Variants in PBLD observed in about 807,000 individuals in gnomAD.
PBLD encodes the protein phenazine biosynthesis-like domain-containing protein.
A neutral mutation model predicts 31.3 loss-of-function variants in PBLD; 26 were observed. The observed-to-expected ratio is 0.83, with a 90% CI of 0.61 to 1.15. PBLD has a LOEUF of 1.15. Among genes scored for constraint, PBLD ranks in the 50% most tolerant of loss-of-function variants. The pLI is 0.00. For synonymous variants in PBLD, 114 were observed against 129.0 expected (o/e 0.88, Z 0.79); for missense variants, 307 against 351.7 (o/e 0.87, Z 1.02).
At chr10:68,324,202 A>G (rs2044878604) in intron 1 of PBLD, among the ~76,000 whole-genome samples, 1 of 151,346 alleles carries the variant, frequency 6.6e-6, no homozygotes, top group Non-Finnish European at 1.5e-5. Context: ...GTGCGCCACC[A>G]TGCCTCGCTC....
intron 8 of PBLD, chr10:68,287,429 G>A (rs902287670): frequency 1.3e-5 from 2 of 152,148 alleles, no homozygotes; most frequent in Admixed American, 6.6e-5. Context: ...GATATGGTTG[G>A]GCATTTTCCT....
At chr10:68,306,339 G>T (rs2044578811) in intron 2 of PBLD, among the ~76,000 whole-genome samples, 1 of 152,062 alleles carries the variant, frequency 6.6e-6, no homozygotes, top group Non-Finnish European at 1.5e-5. Flanking sequence ...ATCCTGAAAA[G>T]AATTTCTAAT....
intron 8 of PBLD, among the ~76,000 whole-genome samples, chr10:68,286,071 G>A (rs946328924): frequency 7.0e-6 from 1 of 143,466 alleles, no homozygotes; most frequent in African/African-American, 2.5e-5. Context: ...GAGAATCAAG[G>A]CCTTTGAATA....
At position 68,288,551 on chromosome 10, in the gene PBLD, G is replaced by A. The variant is rs2044316733; in HGVS notation, c.623C>T (p.Thr208Ile). 15 of 1,614,188 alleles carry A rather than the reference G, an allele frequency of 9.3e-6. No homozygotes were observed. The South Asian group carries it at 9.9e-5, about 11-fold the overall frequency. Residue 208 changes from threonine to isoleucine, a missense_variant, in exon 8 of 10, where the codon ACC becomes ATC. By Grantham distance (89) the Thr-to-Ile change is moderately conservative (BLOSUM62 -1). Transcript: ENST00000358769. Reference protein sequence around the residue: ...LTLKGEPGGQTQAFDFYSRYF... With the variant: ...LTLKGEPGGQIQAFDFYSRYF... ...TCTTGAGTAAAAGTCAAATGCTTGG[G>A]TCTGCCCACCAGGCTCTCCTTTAAG...
At chr10:68,318,722 G>A (rs2134520817) in intron 1 of PBLD, among the ~76,000 whole-genome samples, 1 of 152,110 alleles carries the variant, frequency 6.6e-6, no homozygotes, top group Middle Eastern at 3.4e-3. Context: ...AAACTTAAAT[G>A]TTAAGTATGA....
chr10:68,315,080 G>A (rs963292678), intron 1 of PBLD, among the ~76,000 whole-genome samples: 43 of 152,144 alleles, frequency 2.8e-4, no homozygotes, highest in Non-Finnish European at 4.9e-4. Context: ...GTGAGCCACC[G>A]TGCCCGGCTG....
chr10:68,310,868 C>T (rs923326150), intron 1 of PBLD, among the ~76,000 whole-genome samples: 6 of 137,746 alleles, frequency 4.4e-5, no homozygotes, highest in African/African-American at 1.4e-4. Context: ...ATAAACCCAT[C>T]ATAAGTTAAA....
At chr10:68,326,283 G>A (rs376709701) in intron 1 of PBLD, among the ~76,000 whole-genome samples, 9 of 152,112 alleles carry the variant, frequency 5.9e-5, no homozygotes, top group Admixed American at 3.9e-4. Flanking sequence ...CAAGTGATCC[G>A]CCAGCTTCGG....
At position 68,289,138 on chromosome 10, in the gene PBLD, C is replaced by G; in HGVS notation, c.424-119G>C. The G allele has an allele frequency of 4.1e-6, 3 of 729,708 alleles. No homozygotes were observed. In the South Asian group the frequency reaches 4.9e-5, roughly 12 times the overall value. The allele number at this position is 729,708 out of a possible 1,614,324, so 45.2% of individuals were successfully genotyped here. A position where few individuals can be genotyped will look rare whatever the true frequency, so the allele number is the denominator to read the frequency against. Reference sequence around the variant, plus strand: ...TGTGAGCCAAGCATGCCCATCGTCTCCAGTCCCCAAGAGTGTTAGTGCAGT... The same window carrying G: ...TGTGAGCCAAGCATGCCCATCGTCTGCAGTCCCCAAGAGTGTTAGTGCAGT... On this transcript the variant is annotated intron_variant, in intron 6 of 9. Coordinates refer to ENST00000358769, the MANE Select transcript of PBLD (RefSeq NM_022129.4).
intron 1 of PBLD, among the ~76,000 whole-genome samples, chr10:68,311,751 CAA>C (rs987918906): frequency 2.8e-4 from 17 of 59,886 alleles, no homozygotes; most frequent in African/African-American, 2.0e-4. Context: ...GACCCTGCCT[CAA>C]AAAAAAAAAA....
chr10:68,292,111 TA>T lies in PBLD; in HGVS notation c.393+17del. ...GTCGGTTGTAGATGGCTTAGGGCAATAATTACAAAGAGCTGACCTGGGGGTG... is the reference window on the plus strand; with the variant it reads ...GTCGGTTGTAGATGGCTTAGGGCAATATTACAAAGAGCTGACCTGGGGGTG... On this transcript the variant is annotated intron_variant, in intron 5 of 9. Coordinates refer to ENST00000358769, the MANE Select transcript of PBLD (RefSeq NM_022129.4). 1 of 1,608,756 alleles carries T rather than the reference TA, an allele frequency of 6.2e-7. No homozygotes were observed. The highest frequency in any genetic ancestry group is 1.1e-5 in the South Asian group (1 of 90,812).
In PBLD at chr10:68,284,037, G is replaced by A; in HGVS notation, c.*140C>T. 2.8e-6 allele frequency: 2 copies of A among 719,190 alleles called. No homozygotes were observed. The highest frequency in any genetic ancestry group is 4.5e-6 in the Non-Finnish European group (2 of 440,582). The allele number at this position is 719,190 out of a possible 1,614,324, so 44.6% of individuals were successfully genotyped here. A position where few individuals can be genotyped will look rare whatever the true frequency, so the allele number is the denominator to read the frequency against. On this transcript the variant is annotated 3_prime_UTR_variant, in exon 10 of 10. Transcript: ENST00000358769. ...GCTACGATTACAGGCATGAGCCACT[G>A]CGCCTGGCCCATTTTTCGATTTTTA...
chr10:68,328,940 C>G (rs770869769), intron 1 of PBLD, among the ~76,000 whole-genome samples: 1 of 152,172 alleles, frequency 6.6e-6, no homozygotes, highest in Non-Finnish European at 1.5e-5. Flanking sequence ...TGCAGTGGCA[C>G]GATCTCGGCT....
intron 2 of PBLD, among the ~76,000 whole-genome samples, chr10:68,302,334 AC>A (rs1054492692): frequency 1.3e-5 from 2 of 152,184 alleles, no homozygotes; most frequent in African/African-American, 4.8e-5. Context: ...TCGCCTTATG[AC>A]CCACAAAGAT....
chr10:68,330,171 G>A (rs1476394246), intron 1 of PBLD, among the ~76,000 whole-genome samples: 1 of 151,920 alleles, frequency 6.6e-6, no homozygotes, highest in African/African-American at 2.4e-5. Flanking sequence ...TTAGGGAGTG[G>A]GCCATTGGGG....
chr10:68,331,772 C>T (rs2045106575), intron 1 of PBLD: 1 of 152,354 alleles, frequency 6.6e-6, no homozygotes, highest in African/African-American at 2.4e-5. Flanking sequence ...TACACACTGG[C>T]AGAACTGCCA....
In PBLD at chr10:68,292,512, C is replaced by CTTT. The variant is rs66894235; in HGVS notation, c.284-277_284-275dup. Among the ~76,000 whole-genome samples the CTTT allele has an allele frequency of 1.8e-3, 259 of 147,106 alleles. 4 individuals carry two copies. Among genetic ancestry groups the CTTT allele is most frequent in the Middle Eastern group, 7.0e-3 (2 of 284 alleles). ...ACTGTGCCCTTACTAACTTAGCCTC[C>CTTT]TTTTTTTTTTTTCTTGAGACATGGT... On this transcript the variant is annotated intron_variant, in intron 4 of 9. Coordinates refer to ENST00000358769, the MANE Select transcript of PBLD (RefSeq NM_022129.4).
Position 68,284,245 on chromosome 10 carries a change from G to C in PBLD, c.799C>G (p.Arg267Gly), listed in dbSNP as rs1424016552. ...HRGGELGISL[R>G]PDGRVDIRGG... is the part of the protein sequence containing the mutation. ...CTAATGTCAACCCTTCCGTCTGGAC[G>C]AAGGGAAATTCCCAGCTCTCCTCCT... is the stretch of plus-strand genomic sequence containing the variant. Residue 267 changes from arginine to glycine, a missense_variant, in exon 10 of 10, where the codon CGT becomes GGT. Physicochemically the swap from Arg to Gly is moderately radical, Grantham distance 125 (BLOSUM62 -2). Transcript: ENST00000358769. 1 of 1,613,974 alleles carries C rather than the reference G, an allele frequency of 6.2e-7. No homozygotes were observed. Among genetic ancestry groups the C allele is most frequent in the Admixed American group, 1.7e-5 (1 of 59,988 alleles).
At chr10:68,330,615 G>T (rs753876227) in intron 1 of PBLD, among the ~76,000 whole-genome samples, 7 of 151,922 alleles carry the variant, frequency 4.6e-5, no homozygotes, top group Non-Finnish European at 8.8e-5. Context: ...GCGCGATCTG[G>T]GCTCAATGCA....
Sources: gnomAD v4.1 joint callset for allele counts (sites outside exome capture counted in the v4.1 genomes callset) on GRCh38, gnomAD v4.1.1 for gene constraint, MANE v1.5 for transcripts, NCBI Gene and HGNC (gene_info 2026-07-23, HGNC 2026-07-21) for gene names.